Variants in ACER3 observed in about 807,000 individuals in gnomAD.
ACER3 encodes the protein alkaline ceramidase 3, also known as alkCDase 3.
A neutral mutation model predicts 48.9 loss-of-function variants in ACER3; 16 were observed. That is an observed-to-expected ratio of 0.33 (90% confidence interval 0.22 to 0.50). The LOEUF is 0.50. Ranked by LOEUF, ACER3 falls within the 20% of genes least tolerant of loss-of-function variation. ACER3 has a pLI of 0.98. For synonymous variants in ACER3, 109 were observed against 107.8 expected, an observed-to-expected ratio of 1.01 and a Z score of -0.07; for missense variants, 227 against 326.0, an observed-to-expected ratio of 0.70 and a Z score of 2.34.
intron 4 of ACER3, among the ~76,000 whole-genome samples, chr11:76,978,927 C>T (rs1948514243): frequency 6.6e-6 from 1 of 152,228 alleles, no homozygotes; most frequent in Non-Finnish European, 1.5e-5. Flanking sequence ...GCTGCCTGCC[C>T]TGCTGCAGTA....
chr11:76,922,441 C>T (rs193083209), intron 1 of ACER3, among the ~76,000 whole-genome samples: 2 of 152,216 alleles, frequency 1.3e-5, no homozygotes, highest in Admixed American at 1.3e-4. Flanking sequence ...TTCAACATCT[C>T]CTACAGGTTT....
chr11:76,864,314 A>G (rs1290871679), intron 1 of ACER3, among the ~76,000 whole-genome samples: 1 of 152,234 alleles, frequency 6.6e-6, no homozygotes, highest in African/African-American at 2.4e-5. Context: ...GGACCACACA[A>G]ATGACTGTGC....
At chr11:76,936,757 G>A (rs144675819) in intron 2 of ACER3, among the ~76,000 whole-genome samples, 12 of 144,426 alleles carry the variant, frequency 8.3e-5, no homozygotes, top group African/African-American at 2.3e-4. Flanking sequence ...TCGCTCTGTC[G>A]CCCAGGCTAC....
At chr11:76,867,673 T>C (rs1490932938) in intron 1 of ACER3, among the ~76,000 whole-genome samples, 3 of 151,912 alleles carry the variant, frequency 2.0e-5, no homozygotes, top group African/African-American at 7.3e-5. Flanking sequence ...TAAAAATAAA[T>C]AAATAAAAGA....
intron 2 of ACER3, among the ~76,000 whole-genome samples, chr11:76,929,241 CT>C: frequency 6.6e-6 from 1 of 152,142 alleles, no homozygotes. Context: ...TGGGAGTTCA[CT>C]TATGATTTGG....
chr11:76,912,412 C>T (rs1006922937), intron 1 of ACER3, among the ~76,000 whole-genome samples: 33 of 152,080 alleles, frequency 2.2e-4, no homozygotes, highest in African/African-American at 1.4e-4. Flanking sequence ...TAATTTGTTA[C>T]GGCAGCCCTA....
At chr11:76,978,135 A>G (rs1483582765) in intron 4 of ACER3, among the ~76,000 whole-genome samples, 2 of 152,128 alleles carry the variant, frequency 1.3e-5, no homozygotes, top group African/African-American at 4.8e-5. Context: ...TGGGCCATAC[A>G]TTGATGGTGG....
intron 1 of ACER3, among the ~76,000 whole-genome samples, chr11:76,864,193 T>C (rs963494184): frequency 5.3e-5 from 8 of 152,220 alleles, no homozygotes; most frequent in African/African-American, 1.7e-4. Flanking sequence ...TTCCTTTTGT[T>C]TGAGCATATT....
intron 4 of ACER3, among the ~76,000 whole-genome samples, chr11:76,981,349 G>A (rs190057459): frequency 8.5e-5 from 13 of 152,236 alleles, no homozygotes; most frequent in African/African-American, 2.9e-4. Context: ...GAAATGAAAG[G>A]GGTGAAATAA....
At chr11:76,878,285 CA>C (rs1398690819) in intron 1 of ACER3, among the ~76,000 whole-genome samples, 1 of 151,884 alleles carries the variant, frequency 6.6e-6, no homozygotes, top group Non-Finnish European at 1.5e-5. Flanking sequence ...CTTTCAATGG[CA>C]AAACCCTCAA....
Position 76,937,358 on chromosome 11 carries a change from C to T in ACER3, c.214+10691C>T, listed in dbSNP as rs539012880. On this transcript the variant is annotated intron_variant, in intron 2 of 10. Coordinates refer to ENST00000532485, the MANE Select transcript of ACER3 (RefSeq NM_018367.7). Reference sequence around the variant, plus strand: ...CATTTATCGTTTGACCCAACAATCACACTTCTAAGAATTTACTGTGAAGAT... The same window carrying T: ...CATTTATCGTTTGACCCAACAATCATACTTCTAAGAATTTACTGTGAAGAT... Among the ~76,000 whole-genome samples, 6 of 152,314 alleles carry T rather than the reference C, an allele frequency of 3.9e-5. No homozygotes were observed. The South Asian group carries it at 8.3e-4, about 21-fold the overall frequency.
At chr11:76,994,028 A>G in intron 6 of ACER3, 1 of 383,506 alleles carries the variant, frequency 2.6e-6, no homozygotes, top group Non-Finnish European at 5.1e-6. Context: ...TCACCCAGGG[A>G]TTTGTGGTAG....
intron 2 of ACER3, among the ~76,000 whole-genome samples, chr11:76,954,281 T>C (rs2135005524): frequency 6.6e-6 from 1 of 152,286 alleles, no homozygotes; most frequent in Non-Finnish European, 1.5e-5. Flanking sequence ...CTATAAACCA[T>C]GCATGCGAGT....
At chr11:77,014,685 A>T (rs1211003218) in intron 7 of ACER3, among the ~76,000 whole-genome samples, 1 of 152,252 alleles carries the variant, frequency 6.6e-6, no homozygotes, top group Non-Finnish European at 1.5e-5. Context: ...TACATATAGT[A>T]GGCAAATTAT....
intron 1 of ACER3, among the ~76,000 whole-genome samples, chr11:76,870,642 T>C (rs1350124393): frequency 6.6e-6 from 1 of 152,202 alleles, no homozygotes; most frequent in Non-Finnish European, 1.5e-5. Flanking sequence ...GTGCCATGAA[T>C]TTATTGTCAC....
chr11:76,918,454 T>A (rs944513459), intron 1 of ACER3, among the ~76,000 whole-genome samples: 4 of 152,110 alleles, frequency 2.6e-5, no homozygotes, highest in African/African-American at 9.6e-5. Context: ...TAACTGTTCT[T>A]GAGCTGGTGC....
chr11:76,957,435 T>C (rs1415974364), intron 2 of ACER3: 1 of 443,638 alleles, frequency 2.3e-6, no homozygotes, highest in Non-Finnish European at 4.5e-6. Flanking sequence ...AATTTTTAAC[T>C]TTTTGTGTGT....
At chr11:76,980,197 G>A (rs1383229912) in intron 4 of ACER3, among the ~76,000 whole-genome samples, 1 of 152,136 alleles carries the variant, frequency 6.6e-6, no homozygotes, top group Admixed American at 6.6e-5. Context: ...CCAAGAGATT[G>A]GCTCTTGAGC....
intron 1 of ACER3, among the ~76,000 whole-genome samples, chr11:76,869,947 G>A (rs1220580344): frequency 2.6e-5 from 4 of 152,040 alleles, no homozygotes; most frequent in Admixed American, 6.6e-5. Context: ...CTGTAGCCTT[G>A]ACCTCCTAGG....
Sources: gnomAD v4.1 joint callset for allele counts (sites outside exome capture counted in the v4.1 genomes callset) on GRCh38, gnomAD v4.1.1 for gene constraint, MANE v1.5 for transcripts, NCBI Gene and HGNC (gene_info 2026-07-23, HGNC 2026-07-21) for gene names.